Variants in EIF4ENIF1 observed in about 807,000 individuals in gnomAD.
EIF4ENIF1 encodes the protein eukaryotic translation initiation factor 4E transporter.
Under a neutral mutation model 110.5 loss-of-function variants are expected in EIF4ENIF1, and 23 were observed. The ratio of observed to expected loss-of-function variants is 0.21; its 90% CI spans 0.15 to 0.29. The LOEUF (loss-of-function observed/expected upper bound fraction) is 0.29. Ranked by LOEUF, EIF4ENIF1 falls within the 10% of genes least tolerant of loss-of-function variation. The pLI is 1.00. For missense variants in EIF4ENIF1, 1,031 were observed against 1,221.1 expected (o/e 0.84, Z 2.32); for synonymous variants, 440 against 437.0 (o/e 1.01, Z -0.09).
At chr22:31,445,994 C>A (rs990126339) in intron 14 of EIF4ENIF1, among the ~76,000 whole-genome samples, 1 of 135,172 alleles carries the variant, frequency 7.4e-6, no homozygotes, top group Non-Finnish European at 1.5e-5. Flanking sequence ...ATATGAAGAT[C>A]ATATAAAATT....
Position 31,441,862 on chromosome 22 carries a change from C to T in EIF4ENIF1, c.2463G>A (p.Arg821=), listed in dbSNP as rs763565352. 5 of 1,614,002 alleles carry T rather than the reference C, an allele frequency of 3.1e-6. No individual in the cohort carries two copies. The African/African-American group carries it at 4.0e-5, about 13-fold the overall frequency. Residue 821 remains arginine, a synonymous_variant, in exon 17 of 19, where the codon AGG becomes AGA. Transcript: ENST00000330125. ...ACCCTGGGTGAAGCTGGTGAGCAGG[C>T]CTAACCATAGGGACATGGGGGACAA... The part of the protein sequence containing the change: ...VPLVPHVPMV[R]PAHQLHPGLV...
At chr22:31,451,556 G>A (rs2050676329) in intron 10 of EIF4ENIF1, among the ~76,000 whole-genome samples, 1 of 151,980 alleles carries the variant, frequency 6.6e-6, no homozygotes, top group South Asian at 2.1e-4. Flanking sequence ...TTACAGGCAT[G>A]AGCCACCGCA....
rs1425806419 is a variant in EIF4ENIF1, at chr22:31,441,883, G to A, written c.2442C>T (p.Val814=). The part of the protein sequence containing the change: ...FLRPVHQVPL[V]PHVPMVRPAH... ...CAGGCCTAACCATAGGGACATGGGG[G>A]ACAAGGGGAACTTGGTGGACAGGGC... Residue 814 remains valine (V), a synonymous_variant, in exon 17 of 19, where the codon GTC becomes GTT. Coordinates refer to ENST00000330125, the MANE Select transcript of EIF4ENIF1 (RefSeq NM_019843.4). 2 of 1,614,188 alleles carry A rather than the reference G, an allele frequency of 1.2e-6. No individual in the cohort carries two copies. Among genetic ancestry groups the A allele is most frequent in the South Asian group, 1.1e-5 (1 of 91,090 alleles).
chr22:31,478,066 A>C (rs1341667579), intron 2 of EIF4ENIF1, among the ~76,000 whole-genome samples: 19 of 152,210 alleles, frequency 1.2e-4, no homozygotes, highest in Admixed American at 1.2e-3. Flanking sequence ...CCCAAGGTCC[A>C]CGTGGACATT....
chr22:31,449,718 C>G (rs187088304), intron 11 of EIF4ENIF1, among the ~76,000 whole-genome samples, 187 bp from the exon 12 acceptor site: 194 of 148,050 alleles, frequency 1.3e-3, no homozygotes, highest in African/African-American at 4.7e-3. Flanking sequence ...TAAGTTAGTG[C>G]TATAAATAGA....
At position 31,439,996 on chromosome 22, in the gene EIF4ENIF1, TCTGGCTGGGGCGATGCTCCAG is replaced by T. The variant is rs762378880; in HGVS notation, c.2821_2841del (p.Leu941_Gln947del). On this transcript the variant is annotated inframe_deletion, in exon 19 of 19. Coordinates refer to ENST00000330125, the MANE Select transcript of EIF4ENIF1 (RefSeq NM_019843.4). Reference sequence around the variant, plus strand: ...GCAAGGCCCACAGGGGAGCTGCTCCTCTGGCTGGGGCGATGCTCCAGCTGGGAGTGCATGTGGGGCAGGCCT... The same window carrying T: ...GCAAGGCCCACAGGGGAGCTGCTCCTCTGGGAGTGCATGTGGGGCAGGCCT... The T allele has an allele frequency of 6.2e-7, 1 of 1,614,020 alleles. No homozygotes were observed. The highest frequency in any genetic ancestry group is 8.5e-7 in the Non-Finnish European group (1 of 1,179,940).
downstream of EIF4ENIF1, among the ~76,000 whole-genome samples, chr22:31,438,193 CA>C (rs1334221884): frequency 6.6e-6 from 1 of 152,038 alleles, no homozygotes; most frequent in African/African-American, 2.4e-5. Flanking sequence ...CCTGAATGGA[CA>C]AATATCTAGA....
intron 10 of EIF4ENIF1, chr22:31,450,811 TA>T (rs2050630804): frequency 5.5e-6 from 1 of 183,362 alleles, no homozygotes; most frequent in Non-Finnish European, 1.1e-5. Flanking sequence ...TACACATACA[TA>T]TACACACATA....
chr22:31,444,308 C>T (rs746810263), intron 15 of EIF4ENIF1: 5 of 289,954 alleles, frequency 1.7e-5, no homozygotes, highest in African/African-American at 4.3e-5. Flanking sequence ...CACTATCGTC[C>T]TCCTGTCTCC....
chr22:31,447,408 G>A lies in EIF4ENIF1; in HGVS notation c.1988+18C>T, dbSNP rs1474093751. On this transcript the variant is annotated intron_variant, in intron 14 of 18. Coordinates refer to ENST00000330125, the MANE Select transcript of EIF4ENIF1 (RefSeq NM_019843.4). ...AACTTATCCGTAAATCTCCACATGA[G>A]CAGGATTAGTAATTTACCTGTTTCT... is the stretch of plus-strand genomic sequence containing the variant. 2 of 1,606,854 alleles carry A rather than the reference G, an allele frequency of 1.2e-6. No homozygotes were observed. The highest frequency in any genetic ancestry group is 1.3e-5 in the African/African-American group (1 of 74,608).
chr22:31,488,585 C>T (rs908224293), intron 2 of EIF4ENIF1, 38 bp downstream of exon 2: 1 of 1,613,578 alleles, frequency 6.2e-7, no homozygotes, highest in African/African-American at 1.3e-5. Context: ...ACTTCGCCAC[C>T]TAAAAAGAAA....
chr22:31,488,507 T>C, intron 2 of EIF4ENIF1, 116 bp downstream of exon 2: 1 of 1,426,454 alleles, frequency 7.0e-7, no homozygotes, highest in Non-Finnish European at 9.7e-7. Flanking sequence ...AGTTAATATT[T>C]AGTCCATGTA....
At chr22:31,450,781 CACACATAT>C (rs1369652443) in intron 10 of EIF4ENIF1, 11 of 229,730 alleles carry the variant, frequency 4.8e-5, no homozygotes, top group African/African-American at 1.4e-4. Flanking sequence ...CATATATACA[CACACATAT>C]ACACATATAC....
chr22:31,448,058 T>C (rs1411760467), intron 13 of EIF4ENIF1, 95 bp downstream of exon 13: 3 of 1,435,218 alleles, frequency 2.1e-6, no homozygotes, highest in African/African-American at 1.4e-5. Flanking sequence ...CTCAAAACCA[T>C]TTTTAAGAAT....
intron 2 of EIF4ENIF1, among the ~76,000 whole-genome samples, chr22:31,488,241 T>C (rs1416880797): frequency 4.6e-5 from 7 of 152,168 alleles, no homozygotes. Context: ...GTCTGCCTCT[T>C]AAGGAAACAT....
downstream of EIF4ENIF1, chr22:31,437,088 C>T (rs2050181768): frequency 6.6e-6 from 1 of 152,198 alleles, no homozygotes. Context: ...AGGGGAAGGC[C>T]TAGCTGCACT....
At chr22:31,458,353 A>G (rs78339066) in intron 7 of EIF4ENIF1, 122 bp downstream of exon 7, 2 of 771,330 alleles carry the variant, frequency 2.6e-6, no homozygotes, top group Non-Finnish European at 3.6e-6. Context: ...AAAAATTTAA[A>G]TATGTAAGAA....
chr22:31,486,780 A>C (rs2146114700), intron 2 of EIF4ENIF1, among the ~76,000 whole-genome samples: 1 of 152,176 alleles, frequency 6.6e-6, no homozygotes, highest in East Asian at 1.9e-4. Flanking sequence ...CAAAGAAACA[A>C]AAAAATAAGT....
In EIF4ENIF1 at chr22:31,468,167, G is replaced by A; in HGVS notation, c.298+8C>T. ...ACTAACCCCACTTCTGAGTGACTGT[G>A]TGCTCACCTACTATCCTGCGCACCA... On this transcript the variant is annotated splice_region_variant and intron_variant, in intron 4 of 18. Coordinates refer to ENST00000330125, the MANE Select transcript of EIF4ENIF1 (RefSeq NM_019843.4). The A allele has an allele frequency of 3.1e-6, 5 of 1,613,250 alleles. No homozygotes were observed. The highest frequency in any genetic ancestry group is 3.4e-6 in the Non-Finnish European group (4 of 1,179,566).
Sources: allele counts gnomAD v4.1 joint callset (sites outside exome capture counted in the v4.1 genomes callset), GRCh38; gene constraint gnomAD v4.1.1; transcripts MANE v1.5; gene names NCBI Gene and HGNC (gene_info 2026-07-23, HGNC 2026-07-21).